The following PHACTR2 variants were observed in gnomAD, a reference collection of about 807,000 sequenced individuals.
PHACTR2 encodes phosphatase and actin regulator 2.
Under a neutral mutation model 76.0 loss-of-function variants are expected in PHACTR2, and 30 were observed. The observed-to-expected ratio is 0.39, with a 90% CI of 0.30 to 0.54. The LOEUF is 0.54. Among genes scored for constraint, PHACTR2 ranks in the 20% least tolerant of loss-of-function variants. PHACTR2 has a pLI of 0.61. For missense variants in PHACTR2, 696 were observed against 781.1 expected, an observed-to-expected ratio of 0.89 and a Z score of 1.30; for synonymous variants, 292 against 292.5, an observed-to-expected ratio of 1.00 and a Z score of 0.02.
Position 143,581,915 on chromosome 6 carries a change from A to T in PHACTR2, c.217+44708A>T, listed in dbSNP as rs1252461185. 6.6e-6 allele frequency among the ~76,000 whole-genome samples: 1 copy of T among 152,136 alleles called. No individual in the cohort carries two copies. The highest frequency in any genetic ancestry group is 1.5e-5 in the Non-Finnish European group (1 of 68,026). ...AACCCAGTCTATTTTTTGCAGTTAT[A>T]CATGGGGATGGCAAAAGGCAGAATC... On this transcript the variant is annotated intron_variant, in intron 1 of 11. Transcript: ENST00000367584. This position sits in a 1 kb window ranked among gnomAD's most constrained non-coding sequence, Gnocchi z 4.5.
rs574364761 is a variant in PHACTR2, at chr6:143,589,299, G to A, written c.217+52092G>A. ...GGGGGTGGATTTCCCCCTTGCTGTTGTCATGATAGTGAATGACTTCTCACG... is the reference window on the plus strand; with the variant it reads ...GGGGGTGGATTTCCCCCTTGCTGTTATCATGATAGTGAATGACTTCTCACG... On this transcript the variant is annotated intron_variant, in intron 1 of 11. Transcript: ENST00000367584. The surrounding 1 kb of genome is among the most constrained non-coding windows in gnomAD (Gnocchi z 4.4). Among the ~76,000 whole-genome samples the A allele has an allele frequency of 3.0e-4, 46 of 152,278 alleles. 1 individual carries two copies. In the South Asian group the frequency reaches 7.9e-3, roughly 26 times the overall value.
rs141347185 is a variant in PHACTR2, at chr6:143,794,540, T to A, written c.1845+5630T>A. On this transcript the variant is annotated intron_variant, in intron 11 of 12. Transcript: ENST00000440869. The surrounding 1 kb of genome is among the most constrained non-coding windows in gnomAD (Gnocchi z 4.1). ...CAGGTGCAGTGGCTCATGCCTGTAA[T>A]CCAAGTGCTTTGAGAGGGTGAGTTG... is the stretch of plus-strand genomic sequence containing the variant. Among the ~76,000 whole-genome samples the A allele has an allele frequency of 3.4e-4, 52 of 152,258 alleles. 1 individual carries two copies. Among genetic ancestry groups the A allele is most frequent in the Middle Eastern group, 3.4e-3 (1 of 294 alleles).
At position 143,829,353 on chromosome 6, in the gene PHACTR2, G is replaced by A. The variant is rs1471702793; in HGVS notation, c.*5664G>A. The A allele has an allele frequency of 6.6e-6, 1 of 152,128 alleles. No homozygotes were observed. Among genetic ancestry groups the A allele is most frequent in the African/African-American group, 2.4e-5 (1 of 41,416 alleles). The allele number at this position is 152,128 out of a possible 1,614,324, so 9.4% of individuals were successfully genotyped here. A position where few individuals can be genotyped will look rare whatever the true frequency, so the allele number is the denominator to read the frequency against. The stretch of plus-strand genomic sequence containing the variant: ...GGTCTTTGGAAATAAATCACCATTA[G>A]ATTTCACCTGGTTATGCTGCATCCC... On this transcript the variant is annotated 3_prime_UTR_variant, in exon 13 of 13. Coordinates refer to ENST00000440869, the MANE Select transcript of PHACTR2 (RefSeq NM_001100164.2).
rs1478283975 is a variant in PHACTR2, at chr6:143,647,367, G to A, written c.13+39045G>A. Reference sequence around the variant, plus strand: ...GACCCTGAAACCCTCCTGTTAACCAGTGACCTTTTCTCCTCTCAAAATTCT... The same window carrying A: ...GACCCTGAAACCCTCCTGTTAACCAATGACCTTTTCTCCTCTCAAAATTCT... On this transcript the variant is annotated intron_variant, in intron 1 of 11. Transcript: ENST00000305766. This position sits in a 1 kb window ranked among gnomAD's most constrained non-coding sequence, Gnocchi z 4.2. Among the ~76,000 whole-genome samples, 1 of 152,180 alleles carries A rather than the reference G, an allele frequency of 6.6e-6. No individual in the cohort carries two copies. Among genetic ancestry groups the A allele is most frequent in the Non-Finnish European group, 1.5e-5 (1 of 68,036 alleles).
intron 1 of PHACTR2, among the ~76,000 whole-genome samples, chr6:143,540,662 G>A (rs1456821909): frequency 6.6e-6 from 1 of 151,530 alleles, no homozygotes; most frequent in Non-Finnish European, 1.5e-5. Context: ...TTTAATTTGT[G>A]GCTTGAGGAA....
In PHACTR2 at chr6:143,652,524, C is replaced by T. The variant is rs545380189; in HGVS notation, c.13+44202C>T. On this transcript the variant is annotated intron_variant, in intron 1 of 11. Coordinates refer to the PHACTR2 transcript ENST00000305766. This position sits in a 1 kb window ranked among gnomAD's most constrained non-coding sequence, Gnocchi z 4.5. The stretch of plus-strand genomic sequence containing the variant: ...GCACGCTGTGTTTTTCCCTGTGAGA[C>T]GTGTGAATGCCTTGTGGATATTTGT... Among the ~76,000 whole-genome samples, 56 of 152,304 alleles carry T rather than the reference C, an allele frequency of 3.7e-4. No individual in the cohort carries two copies. The highest frequency in any genetic ancestry group is 6.6e-4 in the Non-Finnish European group (45 of 68,030).
Position 143,608,240 on chromosome 6 carries a change from C to T in PHACTR2, c.-70C>T. On this transcript the variant is annotated 5_prime_UTR_variant, in exon 1 of 12. Transcript: ENST00000305766. The surrounding 1 kb of genome is among the most constrained non-coding windows in gnomAD (Gnocchi z 4.6). ...TGATAATCAGCAGAAGGACAGGGTG[C>T]TTCGTTAGTCAGAAGAGCCAGGGCT... 1 of 1,553,584 alleles carries T rather than the reference C, an allele frequency of 6.4e-7. No individual in the cohort carries two copies. The highest frequency in any genetic ancestry group is 8.9e-7 in the Non-Finnish European group (1 of 1,126,024).
chr6:143,789,874 A>G lies in PHACTR2; in HGVS notation c.1845+964A>G, dbSNP rs1400433728. ...ATGAAAAGTAAGAAGGAATAAGATC[A>G]CAAAGGAAGAATGTTCAGAACAAGA... On this transcript the variant is annotated intron_variant, in intron 11 of 12. Transcript: ENST00000440869. The surrounding 1 kb of genome is among the most constrained non-coding windows in gnomAD (Gnocchi z 5.1). Among the ~76,000 whole-genome samples the G allele has an allele frequency of 1.3e-5, 2 of 152,258 alleles. No individual in the cohort carries two copies. The highest frequency in any genetic ancestry group is 2.4e-5 in the African/African-American group (1 of 41,476).
At chr6:143,716,829 G>A (rs1778312944) in intron 2 of PHACTR2, among the ~76,000 whole-genome samples, 1 of 152,246 alleles carries the variant, frequency 6.6e-6, no homozygotes, top group Non-Finnish European at 1.5e-5. Flanking sequence ...TAGCCCAAGA[G>A]CTGGGTGAGC....
rs1270909886 is a variant in PHACTR2, at chr6:143,557,938, T to C, written c.217+20731T>C. On this transcript the variant is annotated intron_variant, in intron 1 of 11. Transcript: ENST00000367584. This position sits in a 1 kb window ranked among gnomAD's most constrained non-coding sequence, Gnocchi z 5.5. ...CCTTTGCTTTGTTTTGTTTTCTCAT[T>C]CCTGCCTCAGCAATACCCTTGAAGG... 4 of 152,250 alleles carry C rather than the reference T, an allele frequency of 2.6e-5. No individual in the cohort carries two copies. The highest frequency in any genetic ancestry group is 1.3e-4 in the Admixed American group (2 of 15,284). 9.4% of individuals were successfully genotyped at this position (152,250 alleles called of 1,614,324 possible).
chr6:143,603,197 C>T (rs1775831017), upstream of PHACTR2, among the ~76,000 whole-genome samples: 1 of 141,664 alleles, frequency 7.1e-6, no homozygotes, highest in Non-Finnish European at 1.6e-5. Context: ...TAATTGAAGA[C>T]ATTTAAAAAT....
chr6:143,707,324 T>G (rs1219276091), intron 1 of PHACTR2, among the ~76,000 whole-genome samples: 1 of 152,244 alleles, frequency 6.6e-6, no homozygotes, highest in Non-Finnish European at 1.5e-5. Context: ...TTGCTATGAT[T>G]GGGCTTCAAA....
Position 143,826,188 on chromosome 6 carries a change from G to T in PHACTR2, c.*2499G>T, listed in dbSNP as rs919587539. The stretch of plus-strand genomic sequence containing the variant: ...AGGATTATGAGCTAAGCTGTATTTT[G>T]CAGAATATGGTTCTATTTTAGTAGA... On this transcript the variant is annotated 3_prime_UTR_variant, in exon 13 of 13. Coordinates refer to ENST00000440869, the MANE Select transcript of PHACTR2 (RefSeq NM_001100164.2). The T allele has an allele frequency of 6.6e-6, 1 of 152,176 alleles. No individual in the cohort carries two copies. The highest frequency in any genetic ancestry group is 2.4e-5 in the African/African-American group (1 of 41,444). 9.4% of individuals were successfully genotyped at this position (152,176 alleles called of 1,614,324 possible). A position where few individuals can be genotyped will look rare whatever the true frequency, so the allele number is the denominator to read the frequency against.
chr6:143,741,361 C>T (rs373920378), intron 2 of PHACTR2, among the ~76,000 whole-genome samples: 400 of 152,228 alleles, frequency 2.6e-3, no homozygotes, highest in African/African-American at 9.0e-3. Flanking sequence ...GGCATGGTGG[C>T]GCATGCCTGT....
chr6:143,758,261 A>C (rs1427368828), intron 4 of PHACTR2, among the ~76,000 whole-genome samples: 1 of 152,194 alleles, frequency 6.6e-6, no homozygotes, highest in East Asian at 1.9e-4. Context: ...CTATTAAGGG[A>C]GAGGATAAAA....
chr6:143,606,036 G>C (rs1775865244), upstream of PHACTR2, among the ~76,000 whole-genome samples: 2 of 152,146 alleles, frequency 1.3e-5, no homozygotes, highest in African/African-American at 4.8e-5. Context: ...GGAGTCAGTT[G>C]TGTTTCAGAA....
intron 10 of PHACTR2, among the ~76,000 whole-genome samples, chr6:143,788,479 A>T (rs1241701969): frequency 6.6e-6 from 1 of 152,148 alleles, no homozygotes; most frequent in Non-Finnish European, 1.5e-5. Context: ...TGCGTCAGGG[A>T]TGATAGACCT....
chr6:143,737,933 T>C (rs1465142345), intron 2 of PHACTR2, among the ~76,000 whole-genome samples: 1 of 152,176 alleles, frequency 6.6e-6, no homozygotes, highest in Non-Finnish European at 1.5e-5. Context: ...AAATAAACTT[T>C]TTAATCATCT....
At position 143,749,019 on chromosome 6, in the gene PHACTR2, A is replaced by G. The variant is rs767810315; in HGVS notation, c.249A>G (p.Arg83=). 4.4e-6 allele frequency: 7 copies of G among 1,589,618 alleles called. No individual in the cohort carries two copies. In the Admixed American group the frequency reaches 8.3e-5, roughly 19 times the overall value. Residue 83 remains arginine (R), a synonymous_variant, in exon 3 of 13, where the codon AGA becomes AGG. Transcript: ENST00000440869. ...LERKISTRQS[R]EELIRRGVLK... Reference sequence around the variant, plus strand: ...GGAAGATATCCACACGACAAAGTAGAGAGGAGCTGATAAGAAGGGGAGTGC... The same window carrying G: ...GGAAGATATCCACACGACAAAGTAGGGAGGAGCTGATAAGAAGGGGAGTGC...
Sources: allele counts gnomAD v4.1 joint callset (sites outside exome capture counted in the v4.1 genomes callset), GRCh38; gene constraint gnomAD v4.1.1; non-coding constraint Gnocchi (gnomAD v3.1); transcripts MANE v1.5; gene names NCBI Gene and HGNC (gene_info 2026-07-23, HGNC 2026-07-21).